Variants in DMD observed in about 807,000 individuals in gnomAD.
DMD encodes mutant dystrophin.
Under a neutral mutation model 330.1 loss-of-function variants are expected in DMD, and 63 were observed. The observed-to-expected ratio is 0.19, with a 90% confidence interval of 0.16 to 0.24. DMD has a LOEUF of 0.24. Among genes scored for constraint, DMD ranks in the 10% least tolerant of loss-of-function variants. The pLI is 1.00. For synonymous variants in DMD, 1,223 were observed against 959.8 expected (o/e 1.27, Z -5.07); for missense variants, 3,344 against 2,684.1 (o/e 1.25, Z -5.43).
At chrX:32,082,571 T>A (rs1262449987) in intron 44 of DMD, among the ~76,000 whole-genome samples, 1 of 111,814 alleles carries the variant, frequency 8.9e-6, no homozygotes, top group African/African-American at 3.3e-5. Flanking sequence ...TTCCTTTTGT[T>A]ATTTCCACTC....
intron 67 of DMD, among the ~76,000 whole-genome samples, chrX:31,186,720 GAA>G (rs970516924): frequency 1.2e-4 from 13 of 111,435 alleles, no homozygotes; most frequent in African/African-American, 4.2e-4. Context: ...GTACTTTGTG[GAA>G]AAAAAAGTTT....
At chrX:32,764,615 T>C (rs1235128814) in intron 7 of DMD, among the ~76,000 whole-genome samples, 1 of 112,046 alleles carries the variant, frequency 8.9e-6, no homozygotes, top group African/African-American at 3.2e-5. Flanking sequence ...CTATAATGTG[T>C]GTCAGAACTT....
At chrX:33,285,656 G>T (rs1399218621) in intron 1 of DMD, among the ~76,000 whole-genome samples, 1 of 111,847 alleles carries the variant, frequency 8.9e-6, no homozygotes, top group Non-Finnish European at 1.9e-5. Context: ...TGTTTGTATT[G>T]TGTGATATTT....
intron 7 of DMD, among the ~76,000 whole-genome samples, chrX:32,764,550 T>C (rs1040708154): frequency 9.0e-6 from 1 of 111,345 alleles, no homozygotes; most frequent in East Asian, 2.8e-4. Flanking sequence ...TCATATGTTA[T>C]CCTTTTGTAT....
chrX:32,035,600 A>T (rs937954045), intron 44 of DMD: 7 of 292,357 alleles, frequency 2.4e-5, no homozygotes, highest in Non-Finnish European at 3.9e-5. Context: ...ACAGAAAGAA[A>T]TACACCTTCT....
intron 60 of DMD, among the ~76,000 whole-genome samples, chrX:31,372,927 T>A (rs1288615306): frequency 2.7e-5 from 3 of 111,606 alleles, no homozygotes; most frequent in African/African-American, 9.8e-5. Context: ...GAAAACCCCA[T>A]CGTCTCAACC....
intron 69 of DMD, among the ~76,000 whole-genome samples, chrX:31,179,539 G>A (rs962549875): frequency 2.7e-5 from 3 of 111,999 alleles, no homozygotes; most frequent in Non-Finnish European, 5.6e-5. Flanking sequence ...AGAGGAGACT[G>A]TAAGAATTAA....
At chrX:31,135,252 A>C (rs1239838084) in intron 76 of DMD, among the ~76,000 whole-genome samples, 1 of 112,036 alleles carries the variant, frequency 8.9e-6, no homozygotes, top group Non-Finnish European at 1.9e-5. Flanking sequence ...CATGAAGGTA[A>C]GAAGGGAGTT....
intron 41 of DMD, among the ~76,000 whole-genome samples, chrX:32,332,668 G>T (rs1300638220): frequency 9.1e-6 from 1 of 110,270 alleles, no homozygotes; most frequent in Non-Finnish European, 1.9e-5. Context: ...GAGTTAAGAA[G>T]TGGGCCAGCC....
chrX:33,016,480 C>T (rs1410130342), intron 2 of DMD, among the ~76,000 whole-genome samples: 1 of 111,442 alleles, frequency 9.0e-6, no homozygotes, highest in East Asian at 2.8e-4. Context: ...CTCCTTTTCC[C>T]GTTCATCTGC....
intron 1 of DMD, among the ~76,000 whole-genome samples, chrX:33,050,852 CAAG>C (rs2094447732): frequency 8.9e-6 from 1 of 112,120 alleles, no homozygotes; most frequent in Admixed American, 9.5e-5. Flanking sequence ...ATCTAAAGAG[CAAG>C]AAGAAAATTA....
intron 41 of DMD, among the ~76,000 whole-genome samples, chrX:32,327,146 A>G (rs917329263): frequency 2.8e-5 from 3 of 107,596 alleles, no homozygotes; most frequent in Non-Finnish European, 5.7e-5. Flanking sequence ...CTCCTGTTTC[A>G]GTCATTTATT....
At chrX:32,477,656 T>C (rs12008064) in intron 21 of DMD, among the ~76,000 whole-genome samples, 51 of 110,840 alleles carry the variant, frequency 4.6e-4, no homozygotes, top group African/African-American at 1.6e-3. Flanking sequence ...GAGAAGTATA[T>C]TGAAAATTCT....
chrX:33,118,880 G>A (rs2095406688), intron 1 of DMD, among the ~76,000 whole-genome samples: 1 of 111,790 alleles, frequency 8.9e-6, no homozygotes, highest in African/African-American at 3.3e-5. Context: ...ATGCTACTTT[G>A]ACTTTTTGGC....
chrX:31,821,769 A>T (rs767087544), intron 49 of DMD, among the ~76,000 whole-genome samples: 1 of 112,113 alleles, frequency 8.9e-6, no homozygotes, highest in Non-Finnish European at 1.9e-5. Flanking sequence ...GTAAATTCCT[A>T]TGCTTACCTT....
At chrX:32,753,534 G>T (rs989995234) in intron 7 of DMD, among the ~76,000 whole-genome samples, 1 of 111,661 alleles carries the variant, frequency 9.0e-6, no homozygotes, top group African/African-American at 3.3e-5. Flanking sequence ...AAGCCACACA[G>T]GGAGTATACT....
At chrX:32,925,015 G>A (rs1929694772) in intron 2 of DMD, among the ~76,000 whole-genome samples, 1 of 110,391 alleles carries the variant, frequency 9.1e-6, no homozygotes, top group South Asian at 3.8e-4. Context: ...AATTAGTGGG[G>A]TTGGGGAAAA....
chrX:32,226,107 C>G (rs964986987), intron 43 of DMD, among the ~76,000 whole-genome samples: 1 of 111,631 alleles, frequency 9.0e-6, no homozygotes, highest in African/African-American at 3.3e-5. Flanking sequence ...CGTGGCCTTT[C>G]TTGAAAACTC....
rs756902856 is a variant in DMD, at chrX:31,270,215, T to C, written c.9225-9199A>G. ...TTTTTTTTTTTTCTCCTAGCCTGCC[T>C]AGAGCCTTGTAAATAGCCTTTTCAT... On this transcript the variant is annotated intron_variant, in intron 62 of 78. Coordinates refer to ENST00000357033, the MANE Select transcript of DMD (RefSeq NM_004006.3). Among the ~76,000 whole-genome samples the C allele has an allele frequency of 3.7e-5, 4 of 107,439 alleles. 1 individual carries two copies. Among genetic ancestry groups the C allele is most frequent in the African/African-American group, 1.4e-4 (4 of 29,536 alleles). 93.3% of individuals were successfully genotyped at this position (107,439 alleles called of 115,157 possible).
Sources: gnomAD v4.1 joint callset for allele counts (sites outside exome capture counted in the v4.1 genomes callset) on GRCh38, gnomAD v4.1.1 for gene constraint, MANE v1.5 for transcripts, NCBI Gene and HGNC (gene_info 2026-07-23, HGNC 2026-07-21) for gene names.